YARS2: variants seen among roughly 807,000 people sequenced by gnomAD.
YARS2 encodes tyrosine--tRNA ligase, mitochondrial.
Under a neutral mutation model 45.0 loss-of-function variants are expected in YARS2, and 38 were observed. The ratio of observed to expected loss-of-function variants is 0.84; its 90% CI spans 0.65 to 1.11. The LOEUF is 1.11. Ranked by LOEUF, YARS2 falls within the 50% of genes least tolerant of loss-of-function variation. YARS2 has a pLI of 0.00. For missense variants in YARS2, 602 were observed against 599.8 expected (o/e 1.00, Z -0.04); for synonymous variants, 287 against 245.1 (o/e 1.17, Z -1.60).
In YARS2 at chr12:32,747,317, CTTG is replaced by C. The variant is rs780559292; in HGVS notation, c.1318_1320del (p.Gln440del). 3.7e-6 allele frequency: 6 copies of C among 1,614,046 alleles called. No homozygotes were observed. The highest frequency in any genetic ancestry group is 4.5e-5 in the East Asian group (2 of 44,860). On this transcript the variant is annotated inframe_deletion, in exon 5 of 5. Transcript: ENST00000324868. ...ATTAAAACACTCTCAGGATTTGTTA[CTTG>C]TTGGTGATTTATGCTGACTCCGCCT...
intron 3 of YARS2, 77 bp from the exon 4 acceptor site, chr12:32,750,184 TAG>T (rs1158535947): frequency 1.9e-6 from 3 of 1,568,666 alleles, no homozygotes; most frequent in Non-Finnish European, 2.6e-6. Flanking sequence ...TAACCAATTA[TAG>T]AGTGTCCAAG....
Position 32,746,693 on chromosome 12 carries a change from A to G in YARS2, c.*511T>C, listed in dbSNP as rs1955641979. ...GCTGGGGTTACAGGTGCCTGCAACC[A>G]CATCTGGCTAATTTTTATATTTTCA... On this transcript the variant is annotated 3_prime_UTR_variant, in exon 5 of 5. Transcript: ENST00000324868. The G allele has an allele frequency of 6.4e-6, 1 of 157,440 alleles. No homozygotes were observed. The highest frequency in any genetic ancestry group is 6.3e-5 in the Admixed American group (1 of 15,942). The allele number at this position is 157,440 out of a possible 1,614,324, so 9.8% of individuals were successfully genotyped here. A position where few individuals can be genotyped will look rare whatever the true frequency, so the allele number is the denominator to read the frequency against.
In YARS2 at chr12:32,749,973, C is replaced by G; in HGVS notation, c.1238G>C (p.Cys413Ser). ...ATCTGGAATGGCATTTGCTTTGCGGCAAGTATCTAGGACACTTGTTCCAGG... is the reference window on the plus strand; with the variant it reads ...ATCTGGAATGGCATTTGCTTTGCGGGAAGTATCTAGGACACTTGTTCCAGG... ...LDPGTSVLDT[C>S]RKANAIPDGP... Residue 413 changes from cysteine to serine, a missense_variant, in exon 4 of 5, where the codon TGC (cysteine) becomes TCC (serine). By Grantham distance (112) the Cys-to-Ser change is moderately radical. Transcript: ENST00000324868. 6.2e-7 allele frequency: 1 copy of G among 1,614,086 alleles called. No individual in the cohort carries two copies. Among genetic ancestry groups the G allele is most frequent in the Non-Finnish European group, 8.5e-7 (1 of 1,180,024 alleles).
chr12:32,751,621 C>CA (rs1955746678), intron 2 of YARS2, among the ~76,000 whole-genome samples: 1 of 152,272 alleles, frequency 6.6e-6, no homozygotes, highest in South Asian at 2.1e-4. Context: ...CCGCGGTCCC[C>CA]AACCTTTTTG....
In YARS2 at chr12:32,755,395, A is replaced by G. The variant is rs1437908725; in HGVS notation, c.480T>C (p.Thr160=). 6 of 1,613,754 alleles carry G rather than the reference A, an allele frequency of 3.7e-6. No homozygotes were observed. Among genetic ancestry groups the G allele is most frequent in the Admixed American group, 1.7e-5 (1 of 60,014 alleles). ...ALAANHQQLF[T]DGRSWGSFTV... ...TGAAGCTGCCCCAGGAGCGCCCATC[A>G]GTGAAAAGCTGCTGGTGATTAGCCG... The change falls in exon 1 of 5, where the codon ACT becomes ACC. Residue 160 remains threonine (T), a synonymous_variant. Coordinates refer to ENST00000324868, the MANE Select transcript of YARS2 (RefSeq NM_001040436.3).
At chr12:32,754,189 T>A (rs1412800369) in intron 1 of YARS2, 104 bp from the exon 2 acceptor site, 1 of 1,280,966 alleles carries the variant, frequency 7.8e-7, no homozygotes, top group African/African-American at 1.5e-5. Context: ...CCAGGAAAAC[T>A]TCCTTGACCT....
At chr12:32,754,424 C>T (rs1955805885) in intron 1 of YARS2, among the ~76,000 whole-genome samples, 1 of 152,216 alleles carries the variant, frequency 6.6e-6, no homozygotes, top group Admixed American at 6.5e-5. Flanking sequence ...TAAACATGTG[C>T]TTTGCTCTGT....
intron 2 of YARS2, among the ~76,000 whole-genome samples, chr12:32,751,213 T>G (rs1955738350): frequency 6.6e-6 from 1 of 151,820 alleles, no homozygotes; most frequent in African/African-American, 2.4e-5. Context: ...ACCACAGGCT[T>G]GTGCCACCAC....
Position 32,755,688 on chromosome 12 carries a change from C to T in YARS2, c.187G>A (p.Glu63Lys). The T allele has an allele frequency of 6.2e-7, 1 of 1,614,250 alleles. No individual in the cohort carries two copies. Among genetic ancestry groups the T allele is most frequent in the South Asian group, 1.1e-5 (1 of 91,086 alleles). The change falls in exon 1 of 5, where the codon GAG becomes AAG. Residue 63 changes from glutamate to lysine, a missense_variant. Glu to Lys is a moderately conservative substitution (Grantham distance 56, BLOSUM62 1). Transcript: ENST00000324868. Reference sequence around the variant, plus strand: ...CTCGCCGTGCCACGGTCGAAGAGCTCTGGGAGCTCTATTTTCGTCCCCGTC... The same window carrying T: ...CTCGCCGTGCCACGGTCGAAGAGCTTTGGGAGCTCTATTTTCGTCCCCGTC... ...PETGTKIELP[E>K]LFDRGTASFP...
At chr12:32,747,986 A>G (rs985344621) in intron 4 of YARS2, among the ~76,000 whole-genome samples, 1 of 152,182 alleles carries the variant, frequency 6.6e-6, no homozygotes, top group African/African-American at 2.4e-5. Context: ...GAGTGAAGCT[A>G]CCTTGACAAT....
At chr12:32,751,859 C>T (rs1955751727) in intron 2 of YARS2, among the ~76,000 whole-genome samples, 1 of 152,214 alleles carries the variant, frequency 6.6e-6, no homozygotes, top group Non-Finnish European at 1.5e-5. Flanking sequence ...TCCTGTTGCG[C>T]AGCCCTGTTC....
At chr12:32,749,749 T>G (rs1023103549) in intron 4 of YARS2, among the ~76,000 whole-genome samples, 188 bp downstream of exon 4, 4 of 151,940 alleles carry the variant, frequency 2.6e-5, no homozygotes, top group Admixed American at 2.0e-4. Flanking sequence ...CCCGGCTAAT[T>G]TGTATTTTTA....
At chr12:32,753,412 A>G (rs554981912) in intron 2 of YARS2, among the ~76,000 whole-genome samples, 4 of 152,358 alleles carry the variant, frequency 2.6e-5, no homozygotes, top group African/African-American at 9.6e-5. Flanking sequence ...TAAGTCTTAA[A>G]GAATTATTCC....
chr12:32,750,927 C>T, intron 2 of YARS2, 53 bp from the exon 3 acceptor site: 1 of 1,597,960 alleles, frequency 6.3e-7, no homozygotes, highest in South Asian at 1.1e-5. Flanking sequence ...TAATTTTTAT[C>T]TCCAGCTCTT....
chr12:32,750,662 C>A, intron 3 of YARS2, 57 bp downstream of exon 3: 1 of 1,603,606 alleles, frequency 6.2e-7, no homozygotes, highest in Non-Finnish European at 8.5e-7. Context: ...TCCTACTTTT[C>A]TCATGTCTAT....
chr12:32,755,484 C>T lies in YARS2; in HGVS notation c.391G>A (p.Ala131Thr), dbSNP rs1955831045. Reference protein sequence around the residue: ...DPSGRTKEREALETERVRANA... With the variant: ...DPSGRTKERETLETERVRANA... Reference sequence around the variant, plus strand: ...GCTCGCACGCGCTCTGTCTCCAGCGCCTCGCGTTCCTTGGTACGGCCGCTC... The same window carrying T: ...GCTCGCACGCGCTCTGTCTCCAGCGTCTCGCGTTCCTTGGTACGGCCGCTC... Residue 131 changes from alanine to threonine, a missense_variant, in exon 1 of 5, where the codon GCG becomes ACG. Coordinates refer to ENST00000324868, the MANE Select transcript of YARS2 (RefSeq NM_001040436.3). 1.9e-6 allele frequency: 3 copies of T among 1,612,288 alleles called. No homozygotes were observed. The highest frequency in any genetic ancestry group is 2.5e-6 in the Non-Finnish European group (3 of 1,179,414).
At position 32,755,665 on chromosome 12, in the gene YARS2, C is replaced by T; in HGVS notation, c.210G>A (p.Ala70=). 1 of 1,614,260 alleles carries T rather than the reference C, an allele frequency of 6.2e-7. No individual in the cohort carries two copies. The highest frequency in any genetic ancestry group is 8.5e-7 in the Non-Finnish European group (1 of 1,180,052). ...CACAGTAAATGGTTTGGGGAAAACT[C>T]GCCGTGCCACGGTCGAAGAGCTCTG... ...ELPELFDRGT[A]SFPQTIYCGF... Residue 70 remains alanine, a synonymous_variant, in exon 1 of 5, where the codon GCG becomes GCA. Transcript: ENST00000324868.
rs147551647 is a variant in YARS2 at position 32,753,935 on chromosome 12, C to G, written c.930G>C (p.Pro310=). 269 of 1,614,140 alleles carry G rather than the reference C, an allele frequency of 1.7e-4. 2 individuals carry two copies. Among genetic ancestry groups the G allele is most frequent in the Admixed American group, 1.0e-3 (60 of 60,020 alleles). ...FELYQFFVRQ[P]DDSVERYLKL... The stretch of plus-strand genomic sequence containing the variant: ...GAACTCACCTTTCCACTGAATCGTC[C>G]GGTTGCCTGACAAAGAATTGATACA... The change falls in exon 2 of 5, where the codon CCG becomes CCC. Residue 310 remains proline (P), a synonymous_variant. Transcript: ENST00000324868.
At chr12:32,754,745 C>T (rs1040005262) in intron 1 of YARS2, among the ~76,000 whole-genome samples, 2 of 144,904 alleles carry the variant, frequency 1.4e-5, no homozygotes, top group Non-Finnish European at 3.0e-5. Flanking sequence ...ACGGAGTCTC[C>T]CTCTGTTGCC....
Sources: gnomAD v4.1 joint callset for allele counts (sites outside exome capture counted in the v4.1 genomes callset) on GRCh38, gnomAD v4.1.1 for gene constraint, MANE v1.5 for transcripts, NCBI Gene and HGNC (gene_info 2026-07-23, HGNC 2026-07-21) for gene names.